ATP11A: variants seen among roughly 807,000 people sequenced by gnomAD.
The protein encoded by ATP11A is phospholipid-transporting ATPase IH.
A neutral mutation model predicts 154.4 loss-of-function variants in ATP11A; 81 were observed. The observed-to-expected ratio is 0.52, with a 90% CI of 0.44 to 0.63. The LOEUF is 0.63. Ranked by LOEUF, ATP11A falls within the 30% of genes least tolerant of loss-of-function variation. The probability of loss-of-function intolerance (pLI) is 0.00; values close to 1 mark genes in which losing one functional copy is unlikely to be tolerated. For missense variants in ATP11A, 1,316 were observed against 1,474.3 expected (o/e 0.89, Z 1.76); for synonymous variants, 623 against 585.9 (o/e 1.06, Z -0.91).
At chr13:112,772,341 C>A (rs943842143) in intron 1 of ATP11A, among the ~76,000 whole-genome samples, 2 of 152,148 alleles carry the variant, frequency 1.3e-5, no homozygotes, top group African/African-American at 4.8e-5. Flanking sequence ...GGAGCGGCTG[C>A]GGTGGGGCCA....
chr13:112,752,100 G>T (rs2076706753), intron 1 of ATP11A, among the ~76,000 whole-genome samples: 1 of 152,108 alleles, frequency 6.6e-6, no homozygotes, highest in Non-Finnish European at 1.5e-5. Context: ...TCATTCATTT[G>T]TTAGGAAATT....
chr13:112,880,524 A>G (rs1395807616), intron 29 of ATP11A: 4 of 1,293,784 alleles, frequency 3.1e-6, no homozygotes, highest in Non-Finnish European at 4.1e-6. Flanking sequence ...CACGTCGCTC[A>G]GTATCTTTCC....
intron 1 of ATP11A, among the ~76,000 whole-genome samples, chr13:112,761,123 C>G (rs909515407): frequency 2.6e-5 from 4 of 152,276 alleles, no homozygotes; most frequent in Admixed American, 6.5e-5. Context: ...TCCCCACCCC[C>G]CTTATGGCCT....
chr13:112,887,129 A>T lies in ATP11A; in HGVS notation c.*5263A>T, dbSNP rs1000754648. On this transcript the variant is annotated 3_prime_UTR_variant, in exon 30 of 30. Transcript: ENST00000375645. ...CCTGAATCTGCTTGCAATAAAGAAT[A>T]AAAGTCTGCTTCAGTTTCTTTATAA... 2.0e-5 allele frequency: 3 copies of T among 152,252 alleles called. No homozygotes were observed. The highest frequency in any genetic ancestry group is 6.5e-5 in the Admixed American group (1 of 15,288). 9.4% of individuals were successfully genotyped at this position (152,252 alleles called of 1,614,324 possible).
intron 25 of ATP11A, among the ~76,000 whole-genome samples, chr13:112,869,133 C>G (rs893737258): frequency 2.0e-5 from 3 of 152,224 alleles, no homozygotes; most frequent in African/African-American, 7.2e-5. Flanking sequence ...GGGGGCCCCA[C>G]TTCAGGCCAC....
chr13:112,740,148 C>CTA (rs59104065), intron 1 of ATP11A, among the ~76,000 whole-genome samples: 3,734 of 137,792 alleles, frequency 0.027, 64 homozygotes, highest in Non-Finnish European at 0.036. Flanking sequence ...CTCTCTCTCT[C>CTA]TATATATATA....
At chr13:112,821,254 G>A (rs1483058283) in intron 8 of ATP11A, among the ~76,000 whole-genome samples, 1 of 152,168 alleles carries the variant, frequency 6.6e-6, no homozygotes, top group African/African-American at 2.4e-5. Context: ...AACTTGGGAC[G>A]ATAATTGCTA....
In ATP11A at chr13:112,859,337, G is replaced by T; in HGVS notation, c.2668-56G>T. ...TGTGGGGTGGGCCACGTCGGTAGGT[G>T]GCGGCTGCCTCCCTCTGTCCCGTCA... On this transcript the variant is annotated intron_variant, in intron 22 of 29. Coordinates refer to ENST00000375645, the MANE Select transcript of ATP11A (RefSeq NM_015205.3). This position sits in a 1 kb window ranked among gnomAD's most constrained non-coding sequence, Gnocchi z 4.3. The T allele has an allele frequency of 6.7e-7, 1 of 1,503,408 alleles. No homozygotes were observed. Among genetic ancestry groups the T allele is most frequent in the Non-Finnish European group, 9.3e-7 (1 of 1,079,548 alleles). The allele number at this position is 1,503,408 out of a possible 1,614,324, so 93.1% of individuals were successfully genotyped here.
At chr13:112,733,246 G>A (rs1890678247) in intron 1 of ATP11A, among the ~76,000 whole-genome samples, 1 of 152,194 alleles carries the variant, frequency 6.6e-6, no homozygotes. Flanking sequence ...ACGGCGCGGG[G>A]CACAGCATCT....
intron 1 of ATP11A, among the ~76,000 whole-genome samples, chr13:112,734,845 G>A (rs1369852822): frequency 6.6e-6 from 1 of 152,130 alleles, no homozygotes; most frequent in African/African-American, 2.4e-5. Flanking sequence ...AACCCCAAAA[G>A]GTAAGCATGG....
chr13:112,701,235 G>A (rs964222774), intron 1 of ATP11A, among the ~76,000 whole-genome samples: 1 of 152,314 alleles, frequency 6.6e-6, no homozygotes, highest in Non-Finnish European at 1.5e-5. Flanking sequence ...ACTCTGGGAG[G>A]TTGCCTGGCA....
intron 5 of ATP11A, among the ~76,000 whole-genome samples, chr13:112,815,769 G>C (rs988003244): frequency 2.6e-5 from 4 of 152,198 alleles, no homozygotes; most frequent in Non-Finnish European, 5.9e-5. Context: ...TTAGATCAAA[G>C]CTTCTCACAG....
chr13:112,784,349 C>T (rs2140023623), intron 1 of ATP11A, among the ~76,000 whole-genome samples: 1 of 152,264 alleles, frequency 6.6e-6, no homozygotes, highest in Non-Finnish European at 1.5e-5. Context: ...TGCCTCTGCC[C>T]CAGCCCTGTT....
At position 112,806,296 on chromosome 13, in the gene ATP11A, A is replaced by G; in HGVS notation, c.333+3A>G. The G allele has an allele frequency of 6.2e-7, 1 of 1,610,364 alleles. No homozygotes were observed. ...TTACTGTGACGGCTATCAAACAGGT[A>G]AGCATTTTACAGACGAAAAAGAAGC... On this transcript the variant is annotated splice_donor_region_variant and intron_variant, in intron 4 of 29. Transcript: ENST00000375645.
At chr13:112,711,874 C>T (rs985250284) in intron 1 of ATP11A, among the ~76,000 whole-genome samples, 2 of 152,308 alleles carry the variant, frequency 1.3e-5, no homozygotes, top group African/African-American at 4.8e-5. Context: ...CTGAATACAG[C>T]CCAGGAGCCT....
At chr13:112,698,774 T>A (rs538081413) in intron 1 of ATP11A, among the ~76,000 whole-genome samples, 28 of 152,272 alleles carry the variant, frequency 1.8e-4, no homozygotes, top group African/African-American at 6.0e-4. Context: ...CTGGAGTGGG[T>A]GCAGTGGCGC....
intron 1 of ATP11A, among the ~76,000 whole-genome samples, chr13:112,702,815 G>T (rs1398964237): frequency 6.6e-6 from 1 of 152,228 alleles, no homozygotes; most frequent in African/African-American, 2.4e-5. Context: ...CCCCCACCTC[G>T]GTGTCTCAGG....
At chr13:112,819,493 T>A (rs2078738042) in intron 7 of ATP11A, 86 bp downstream of exon 7, 3 of 1,131,710 alleles carry the variant, frequency 2.7e-6, no homozygotes, top group African/African-American at 1.5e-5. Flanking sequence ...AGTCCAGCCA[T>A]GTGGTGGTTT....
At chr13:112,858,363 GC>G (rs1377827856) in intron 22 of ATP11A, 73 bp downstream of exon 22, 2 of 1,453,838 alleles carry the variant, frequency 1.4e-6, no homozygotes, top group African/African-American at 2.8e-5. Flanking sequence ...CCTTGTCTGA[GC>G]CACTTGATGC....
Sources: allele counts gnomAD v4.1 joint callset (sites outside exome capture counted in the v4.1 genomes callset), GRCh38; gene constraint gnomAD v4.1.1; non-coding constraint Gnocchi (gnomAD v3.1); transcripts MANE v1.5; gene names NCBI Gene and HGNC (gene_info 2026-07-23, HGNC 2026-07-21).